Variants in PFKFB3 observed in about 807,000 individuals in gnomAD.
The protein encoded by PFKFB3 is 6-phosphofructo-2-kinase/fructose-2,6-bisphosphatase 3.
In PFKFB3, 33 loss-of-function variants were observed where a neutral mutation model predicts 68.0. The ratio of observed to expected loss-of-function variants is 0.49; its 90% CI spans 0.37 to 0.65. PFKFB3 has a LOEUF of 0.65. Among genes scored for constraint, PFKFB3 ranks in the 30% least tolerant of loss-of-function variants. PFKFB3 has a pLI of 0.00. For missense variants in PFKFB3, 586 were observed against 712.2 expected, an observed-to-expected ratio of 0.82 and a Z score of 2.02; for synonymous variants, 315 against 288.2, an observed-to-expected ratio of 1.09 and a Z score of -0.94.
rs549010764 is a variant in PFKFB3, at chr10:6,253,870, G to A, written c.1516-308G>A. Among the ~76,000 whole-genome samples the A allele has an allele frequency of 4.6e-5, 7 of 152,126 alleles. No individual in the cohort carries two copies. The South Asian group carries it at 1.5e-3, about 32-fold the overall frequency. On this transcript the variant is annotated intron_variant, in intron 14 of 14. Transcript: ENST00000640683. ...CAGCCTAGCCAACATGGCGAACCCC[G>A]TCTCTACTAAAAAATATACAAAAAT...
chr10:6,194,422 A>C (rs1443447131), intron 1 of PFKFB3, among the ~76,000 whole-genome samples: 1 of 152,242 alleles, frequency 6.6e-6, no homozygotes, highest in Non-Finnish European at 1.5e-5. Context: ...AAAGTCTAGG[A>C]GCGGGCTCCT....
downstream of PFKFB3, among the ~76,000 whole-genome samples, chr10:6,239,841 T>C (rs982061597): frequency 6.6e-6 from 1 of 152,018 alleles, no homozygotes; most frequent in Non-Finnish European, 1.5e-5. Context: ...GCCTGGCTAA[T>C]GTTTGTATTT....
the PFKFB3 span, among the ~76,000 whole-genome samples, chr10:6,297,534 C>T: frequency 7.3e-5 from 11 of 151,572 alleles, no homozygotes; most frequent in East Asian, 3.9e-4. Context: ...ATCCTGTGGT[C>T]GTGGCACAGG....
downstream of PFKFB3, among the ~76,000 whole-genome samples, chr10:6,257,679 G>A (rs1013566753): frequency 5.9e-5 from 9 of 152,182 alleles, no homozygotes; most frequent in African/African-American, 2.2e-4. Context: ...ATTGCATGCT[G>A]TGGGTCACCT....
chr10:6,275,370 G>T, the PFKFB3 span, among the ~76,000 whole-genome samples: 1 of 152,186 alleles, frequency 6.6e-6, no homozygotes, highest in African/African-American at 2.4e-5. The surrounding 1 kb of genome is among the most constrained non-coding windows in gnomAD (Gnocchi z 4.9). Flanking sequence ...AGCCACCCTC[G>T]GGGCCTGCGC....
chr10:6,306,435 T>C, the PFKFB3 span, among the ~76,000 whole-genome samples: 18 of 152,244 alleles, frequency 1.2e-4, no homozygotes, highest in Non-Finnish European at 8.8e-5. Flanking sequence ...GGAAACAGGC[T>C]GTGTCTTCAG....
chr10:6,155,323 C>T (rs556354135), intron 1 of PFKFB3, among the ~76,000 whole-genome samples: 1 of 151,944 alleles, frequency 6.6e-6, no homozygotes, highest in African/African-American at 2.4e-5. Context: ...CTGCCTCAGC[C>T]TCCCGAGTAG....
chr10:6,297,544 G>A, the PFKFB3 span, among the ~76,000 whole-genome samples: 1 of 152,100 alleles, frequency 6.6e-6, no homozygotes, highest in African/African-American at 2.4e-5. Flanking sequence ...CGTGGCACAG[G>A]TAGGGACAGG....
chr10:6,147,796 G>C (rs888492544), intron 1 of PFKFB3, among the ~76,000 whole-genome samples: 1 of 150,620 alleles, frequency 6.6e-6, no homozygotes, highest in Non-Finnish European at 1.5e-5. Context: ...CTGACGGGGT[G>C]GTCCATACAG....
rs1412857785 is a variant in PFKFB3, at chr10:6,231,473, A to G, written c.1516-1422A>G. ...TGAGGTCCTTTCTAGTCTGTCTCTCACCCCCCACGTGTCCTGAGCTGGGGC... is the reference window on the plus strand; with the variant it reads ...TGAGGTCCTTTCTAGTCTGTCTCTCGCCCCCCACGTGTCCTGAGCTGGGGC... On this transcript the variant is annotated intron_variant, in intron 14 of 14. Coordinates refer to ENST00000379775, the MANE Select transcript of PFKFB3 (RefSeq NM_004566.4). The G allele has an allele frequency of 3.0e-6, 3 of 984,404 alleles. No individual in the cohort carries two copies. The Admixed American group carries it at 1.9e-4, about 61-fold the overall frequency. The allele number at this position is 984,404 out of a possible 1,614,324, so 61.0% of individuals were successfully genotyped here.
At position 6,228,409 on chromosome 10, in the gene PFKFB3, G is replaced by A. The variant is rs1027011028; in HGVS notation, c.1515+2044G>A. 41 of 666,732 alleles carry A rather than the reference G, an allele frequency of 6.1e-5. No individual in the cohort carries two copies. Among genetic ancestry groups the A allele is most frequent in the Non-Finnish European group, 9.4e-5 (35 of 371,056 alleles). The allele number at this position is 666,732 out of a possible 1,614,324, so 41.3% of individuals were successfully genotyped here. On this transcript the variant is annotated intron_variant, in intron 14 of 14. Coordinates refer to ENST00000379775, the MANE Select transcript of PFKFB3 (RefSeq NM_004566.4). This position sits in a 1 kb window ranked among gnomAD's most constrained non-coding sequence, Gnocchi z 4.5. ...AATGTTTTTGGAAAAGCGTGCAGGC[G>A]GTCATGGTGGCTGCACTACTGTTGG... is the stretch of plus-strand genomic sequence containing the variant.
In PFKFB3 at chr10:6,213,703, A is replaced by T; in HGVS notation, c.157A>T (p.Lys53Ter). 1 of 1,613,576 alleles carries T rather than the reference A, an allele frequency of 6.2e-7. No individual in the cohort carries two copies. The highest frequency in any genetic ancestry group is 8.5e-7 in the Non-Finnish European group (1 of 1,179,816). The change falls in exon 2 of 15, where the codon AAG becomes TAG. Residue 53 changes from lysine to a stop codon, truncating the protein, a stop_gained. Transcript: ENST00000379775. LOFTEE classifies it high-confidence loss of function. ...CGCCCGGGGCAAGACCTACATCTCCAAGAAGCTGACTCGCTACCTCAACTG... is the reference window on the plus strand; with the variant it reads ...CGCCCGGGGCAAGACCTACATCTCCTAGAAGCTGACTCGCTACCTCAACTG... ...LPARGKTYIS[K>*]KLTRYLNWIG...
the PFKFB3 span, among the ~76,000 whole-genome samples, chr10:6,278,962 G>A: frequency 6.6e-6 from 1 of 152,218 alleles, no homozygotes; most frequent in Admixed American, 6.5e-5. Flanking sequence ...AAACGAGATA[G>A]GAACAGGACT....
Position 6,220,572 on chromosome 10 carries a change from G to A in PFKFB3, c.624-86G>A. 8.0e-7 allele frequency: 1 copy of A among 1,250,708 alleles called. No individual in the cohort carries two copies. Among genetic ancestry groups the A allele is most frequent in the East Asian group, 2.3e-5 (1 of 43,224 alleles). The allele number at this position is 1,250,708 out of a possible 1,614,324, so 77.5% of individuals were successfully genotyped here. ...CTACGGTCCCGCCTTGCTGTTCTCT[G>A]GGGATCACATCTTCGGAGACGGGCC... On this transcript the variant is annotated intron_variant, in intron 7 of 14. Transcript: ENST00000379775. This position sits in a 1 kb window ranked among gnomAD's most constrained non-coding sequence, Gnocchi z 4.1.
chr10:6,262,968 G>A, the PFKFB3 span, among the ~76,000 whole-genome samples: 73 of 152,228 alleles, frequency 4.8e-4, no homozygotes, highest in East Asian at 0.011. Context: ...CTGGCCTGCC[G>A]AGACCACCTC....
At chr10:6,165,539 AG>A (rs1359912880) in intron 1 of PFKFB3, among the ~76,000 whole-genome samples, 1 of 152,204 alleles carries the variant, frequency 6.6e-6, no homozygotes, top group Non-Finnish European at 1.5e-5. Context: ...ATTTCAGGTC[AG>A]TTACACAGAG....
chr10:6,188,869 C>G lies in PFKFB3; in HGVS notation c.17-24754C>G, dbSNP rs559335480. The stretch of plus-strand genomic sequence containing the variant: ...TTTTTTTTTTAGACGGAGTCTCGCT[C>G]TGTCCCCCAGGCTGGAGTGCAGTGG... On this transcript the variant is annotated intron_variant, in intron 1 of 14. Transcript: ENST00000379789. Among the ~76,000 whole-genome samples, 6 of 143,704 alleles carry G rather than the reference C, an allele frequency of 4.2e-5. No homozygotes were observed. In the South Asian group the frequency reaches 1.1e-3, roughly 26 times the overall value. The allele number at this position is 143,704 out of a possible 152,430, so 94.3% of individuals were successfully genotyped here.
At position 6,220,088 on chromosome 10, in the gene PFKFB3, T is replaced by C. The variant is rs150143144; in HGVS notation, c.623+395T>C. Among the ~76,000 whole-genome samples the C allele has an allele frequency of 1.9e-4, 29 of 152,126 alleles. No homozygotes were observed. The highest frequency in any genetic ancestry group is 6.2e-4 in the South Asian group (3 of 4,826). On this transcript the variant is annotated intron_variant, in intron 7 of 14. Transcript: ENST00000379775. The surrounding 1 kb of genome is among the most constrained non-coding windows in gnomAD (Gnocchi z 4.1). The stretch of plus-strand genomic sequence containing the variant: ...TTCTTTCCATTTATTTATTTATTTA[T>C]TTACTTACTTACTTGCTTGCCTGCT...
chr10:6,258,998 G>A (rs1016715399), downstream of PFKFB3, among the ~76,000 whole-genome samples: 1 of 152,182 alleles, frequency 6.6e-6, no homozygotes, highest in African/African-American at 2.4e-5. Context: ...CATGGAGGAA[G>A]TATTTACACC....
Sources: gnomAD v4.1 joint callset for allele counts (sites outside exome capture counted in the v4.1 genomes callset) on GRCh38, gnomAD v4.1.1 for gene constraint, Gnocchi (gnomAD v3.1) non-coding constraint, MANE v1.5 for transcripts, NCBI Gene and HGNC (gene_info 2026-07-23, HGNC 2026-07-21) for gene names.